CDYL2: variants seen among roughly 807,000 people sequenced by gnomAD.
CDYL2 encodes chromodomain Y like 2.
A neutral mutation model predicts 49.4 loss-of-function variants in CDYL2; 23 were observed. The ratio of observed to expected loss-of-function variants is 0.47; its 90% CI spans 0.34 to 0.66. The LOEUF is 0.66. Among genes scored for constraint, CDYL2 ranks in the 30% least tolerant of loss-of-function variants. The probability of loss-of-function intolerance (pLI) is 0.01; values close to 1 mark genes in which losing one functional copy is unlikely to be tolerated. For missense variants in CDYL2, 678 were observed against 656.4 expected (o/e 1.03, Z -0.36); for synonymous variants, 360 against 268.8 (o/e 1.34, Z -3.32).
chr16:80,761,464 G>T (rs571735651), intron 1 of CDYL2, among the ~76,000 whole-genome samples: 1 of 152,292 alleles, frequency 6.6e-6, no homozygotes, highest in East Asian at 1.9e-4. Flanking sequence ...CCCAAGAGTG[G>T]TGGTGCTGGT....
At chr16:80,657,516 T>C (rs1224450455) in intron 2 of CDYL2, among the ~76,000 whole-genome samples, 1 of 152,088 alleles carries the variant, frequency 6.6e-6, no homozygotes, top group Non-Finnish European at 1.5e-5. Context: ...GGCCCTTAAA[T>C]AGAAGAAATG....
chr16:80,639,747 CCT>C (rs1376890948), intron 2 of CDYL2: 2 of 455,944 alleles, frequency 4.4e-6, no homozygotes, highest in Admixed American at 4.7e-5. Flanking sequence ...ACAAACGCCA[CCT>C]CTCTCCCCTC....
rs1192110237 is a variant in CDYL2, at chr16:80,603,301, C to T, written c.*1087G>A. ...TGCTATTCTCAGGTAGGGCCTATCCCCACTCCTGCCCAACATCACGCAATT... is the reference window on the plus strand; with the variant it reads ...TGCTATTCTCAGGTAGGGCCTATCCTCACTCCTGCCCAACATCACGCAATT... On this transcript the variant is annotated 3_prime_UTR_variant, in exon 7 of 7. Transcript: ENST00000570137. The T allele has an allele frequency of 1.3e-5, 2 of 152,138 alleles. No homozygotes were observed. Among genetic ancestry groups the T allele is most frequent in the African/African-American group, 4.8e-5 (2 of 41,416 alleles). 9.4% of individuals were successfully genotyped at this position (152,138 alleles called of 1,614,324 possible).
chr16:80,629,087 G>A (rs1452329851), intron 3 of CDYL2, among the ~76,000 whole-genome samples: 3 of 152,190 alleles, frequency 2.0e-5, no homozygotes, highest in African/African-American at 4.8e-5. Flanking sequence ...TGGGCTGCAC[G>A]ATGAGGCGGG....
Position 80,650,748 on chromosome 16 carries a change from G to A in CDYL2, c.617-17512C>T, listed in dbSNP as rs149524262. 1.0e-3 allele frequency among the ~76,000 whole-genome samples: 157 copies of A among 152,214 alleles called. No individual in the cohort carries two copies. The East Asian group carries it at 0.023, about 23-fold the overall frequency. ...ATCCAACAACAGACAAATGGATAAA[G>A]AAAATGTGGTACTTATACACAATGG... On this transcript the variant is annotated intron_variant, in intron 2 of 6. Transcript: ENST00000570137.
Position 80,636,994 on chromosome 16 carries a change from G to A in CDYL2, c.617-3758C>T, listed in dbSNP as rs558415149. On this transcript the variant is annotated intron_variant, in intron 2 of 6. Coordinates refer to ENST00000570137, the MANE Select transcript of CDYL2 (RefSeq NM_152342.4). ...CGCATATTCTCACTCATAAGTGAGA[G>A]TTGAACAATGAGAACACATGGATAC... 1.1e-4 allele frequency among the ~76,000 whole-genome samples: 17 copies of A among 152,258 alleles called. No homozygotes were observed. The South Asian group carries it at 3.3e-3, about 30-fold the overall frequency.
At chr16:80,672,639 G>C (rs1172437845) in intron 2 of CDYL2, among the ~76,000 whole-genome samples, 2 of 151,378 alleles carry the variant, frequency 1.3e-5, no homozygotes, top group African/African-American at 4.9e-5. Flanking sequence ...GGAAGAAAGA[G>C]GACCACAATT....
chr16:80,713,905 C>T (rs1049488317), intron 1 of CDYL2, among the ~76,000 whole-genome samples: 1 of 152,138 alleles, frequency 6.6e-6, no homozygotes, highest in Non-Finnish European at 1.5e-5. Flanking sequence ...ATAGCTCAGG[C>T]CCCAGTCAAG....
intron 3 of CDYL2, among the ~76,000 whole-genome samples, chr16:80,624,327 G>A (rs986468600): frequency 1.3e-5 from 2 of 152,120 alleles, no homozygotes; most frequent in Admixed American, 1.3e-4. Context: ...TTTGCTGTAG[G>A]AAAACTCTCC....
At chr16:80,691,892 A>T (rs1237242808) in intron 1 of CDYL2, among the ~76,000 whole-genome samples, 1 of 152,204 alleles carries the variant, frequency 6.6e-6, no homozygotes, top group Non-Finnish European at 1.5e-5. Flanking sequence ...GAGAAAACGC[A>T]AGCAAGGGAA....
At chr16:80,771,850 T>A (rs1906916050) in intron 1 of CDYL2, among the ~76,000 whole-genome samples, 1 of 151,904 alleles carries the variant, frequency 6.6e-6, no homozygotes, top group Admixed American at 6.6e-5. Flanking sequence ...GAAACCAGAT[T>A]TAAAAATTAG....
chr16:80,709,131 C>G (rs1349410633), intron 1 of CDYL2, among the ~76,000 whole-genome samples: 1 of 152,178 alleles, frequency 6.6e-6, no homozygotes, highest in African/African-American at 2.4e-5. Flanking sequence ...CGCCTATAAT[C>G]CCAGCACTTT....
chr16:80,792,199 G>A (rs778510781), intron 1 of CDYL2, among the ~76,000 whole-genome samples: 1 of 152,154 alleles, frequency 6.6e-6, no homozygotes, highest in African/African-American at 2.4e-5. Flanking sequence ...CAGAGCTCAG[G>A]AGAAAAATCC....
intron 1 of CDYL2, among the ~76,000 whole-genome samples, chr16:80,784,387 T>C (rs1907366288): frequency 6.6e-6 from 1 of 152,230 alleles, no homozygotes; most frequent in Non-Finnish European, 1.5e-5. Context: ...ATATTTATTC[T>C]GCAATTTAGG....
chr16:80,787,084 G>A (rs746198262), intron 1 of CDYL2, among the ~76,000 whole-genome samples: 1 of 151,774 alleles, frequency 6.6e-6, no homozygotes, highest in African/African-American at 2.4e-5. Flanking sequence ...AAAAAAAGAC[G>A]AAGAAGAAGA....
chr16:80,759,062 T>TACATACCTG (rs771503044), intron 1 of CDYL2, among the ~76,000 whole-genome samples: 44 of 144,062 alleles, frequency 3.1e-4, no homozygotes, highest in Non-Finnish European at 5.9e-4. Flanking sequence ...ACCCCATATG[T>TACATACCTG]ACATACCTGG....
intron 2 of CDYL2, among the ~76,000 whole-genome samples, chr16:80,645,003 G>T (rs1908271500): frequency 6.6e-6 from 1 of 152,114 alleles, no homozygotes; most frequent in Non-Finnish European, 1.5e-5. Context: ...ATGGATTAAA[G>T]ACTTAAACGT....
At chr16:80,631,258 A>T (rs1907548803) in intron 3 of CDYL2, among the ~76,000 whole-genome samples, 1 of 152,240 alleles carries the variant, frequency 6.6e-6, no homozygotes, top group Non-Finnish European at 1.5e-5. Context: ...GACATGAGAT[A>T]AACAGCAAAT....
At chr16:80,613,898 C>G (rs1354049780) in intron 4 of CDYL2, among the ~76,000 whole-genome samples, 2 of 152,210 alleles carry the variant, frequency 1.3e-5, no homozygotes, top group Non-Finnish European at 2.9e-5. Context: ...CCTGCCTCAG[C>G]TTACCTCTCC....
Sources: gnomAD v4.1 joint callset for allele counts (sites outside exome capture counted in the v4.1 genomes callset) on GRCh38, gnomAD v4.1.1 for gene constraint, MANE v1.5 for transcripts, NCBI Gene and HGNC (gene_info 2026-07-23, HGNC 2026-07-21) for gene names.